The following ZNF705G variants were observed in gnomAD, a reference collection of about 807,000 sequenced individuals.
The protein encoded by ZNF705G is zinc finger protein 705G.
A neutral mutation model predicts 19.6 loss-of-function variants in ZNF705G; 23 were observed. That is an observed-to-expected ratio of 1.17 (90% confidence interval 0.84 to 1.66). The LOEUF is 1.66. ZNF705G is among the 40% of genes most tolerant of loss of function. ZNF705G has a pLI of 0.00. For synonymous variants in ZNF705G, 146 were observed against 117.7 expected (o/e 1.24, Z -1.56); for missense variants, 457 against 354.4 (o/e 1.29, Z -2.32).
chr8:7,363,207 C>T (rs1193306029), intron 2 of ZNF705G, among the ~76,000 whole-genome samples, 190 bp from the exon 3 acceptor site: 1 of 148,894 alleles, frequency 6.7e-6, no homozygotes, highest in Non-Finnish European at 1.5e-5. Context: ...ACTATGGTTG[C>T]TAATAAAGAA....
chr8:7,360,060 A>T (rs1045357961), intron 5 of ZNF705G, among the ~76,000 whole-genome samples, 177 bp downstream of exon 5: 1 of 149,514 alleles, frequency 6.7e-6, no homozygotes, highest in Non-Finnish European at 1.5e-5. Flanking sequence ...AGGACACAAG[A>T]GTAGCATCTG....
chr8:7,365,170 A>T lies in ZNF705G; in HGVS notation c.-71-2153T>A, dbSNP rs551142681. Among the ~76,000 whole-genome samples, 3 of 149,698 alleles carry T rather than the reference A, an allele frequency of 2.0e-5. No individual in the cohort carries two copies. The South Asian group carries it at 6.3e-4, about 31-fold the overall frequency. On this transcript the variant is annotated intron_variant, in intron 2 of 6. Transcript: ENST00000400156. ...AAAACTATTTCAAGATGTAGAGATT[A>T]AATATATTTAAAAACACATACATAC...
In ZNF705G at chr8:7,360,962, A is replaced by T. The variant is rs563301522; in HGVS notation, c.139+148T>A. On this transcript the variant is annotated intron_variant, in intron 4 of 6. Coordinates refer to ENST00000400156, the MANE Select transcript of ZNF705G (RefSeq NM_001164457.3). ...AAAGAAAGATATTTATTTCAGATAG[A>T]TTTAGAGAGTTCAAACCTTTTTCAG... The T allele has an allele frequency of 5.7e-5, 82 of 1,426,978 alleles. 1 individual carries two copies. In the East Asian group the frequency reaches 1.6e-3, roughly 28 times the overall value. The allele number at this position is 1,426,978 out of a possible 1,614,324, so 88.4% of individuals were successfully genotyped here. A position where few individuals can be genotyped will look rare whatever the true frequency, so the allele number is the denominator to read the frequency against.
At chr8:7,379,770 G>A (rs1165470494) in intron 2 of ZNF705G, among the ~76,000 whole-genome samples, 1 of 147,210 alleles carries the variant, frequency 6.8e-6, no homozygotes, top group African/African-American at 2.7e-5. Flanking sequence ...GCTATAGGGA[G>A]CTGCCTGGAG....
chr8:7,385,303 A>G (rs1369703732), intron 1 of ZNF705G, among the ~76,000 whole-genome samples, 195 bp downstream of exon 1: 1 of 148,866 alleles, frequency 6.7e-6, no homozygotes, highest in Non-Finnish European at 1.5e-5. Context: ...AGAGACACAA[A>G]CACTCATACC....
rs562912966 is a variant in ZNF705G, at chr8:7,368,228, C to T, written c.-71-5211G>A. Among the ~76,000 whole-genome samples, 52 of 149,724 alleles carry T rather than the reference C, an allele frequency of 3.5e-4. 5 individuals carry two copies. The highest frequency in any genetic ancestry group is 1.3e-3 in the African/African-American group (51 of 39,142). On this transcript the variant is annotated intron_variant, in intron 2 of 6. Coordinates refer to ENST00000400156, the MANE Select transcript of ZNF705G (RefSeq NM_001164457.3). ...CAATCTGATTGGATTTTTGAGACTA[C>T]TACTAAAAACCCTCACATAAAGTTG...
chr8:7,365,375 ATTTTTTTT>A (rs71253679), intron 2 of ZNF705G, among the ~76,000 whole-genome samples: 3 of 112,056 alleles, frequency 2.7e-5, no homozygotes, highest in Admixed American at 8.9e-5. Flanking sequence ...GTCTCTCTCT[ATTTTTTTT>A]TTTTTTTTTT....
intron 2 of ZNF705G, among the ~76,000 whole-genome samples, chr8:7,365,761 G>A (rs1280670045): frequency 1.3e-5 from 2 of 149,492 alleles, no homozygotes; most frequent in East Asian, 1.9e-4. Flanking sequence ...TTAAGAGGCC[G>A]ACTTGTGACT....
chr8:7,358,833 C>T (rs1806426499), intron 6 of ZNF705G, among the ~76,000 whole-genome samples: 1 of 149,400 alleles, frequency 6.7e-6, no homozygotes, highest in Non-Finnish European at 1.5e-5. Context: ...ACGCCTCCCC[C>T]ATATTTTGCC....
intron 3 of ZNF705G, 109 bp from the exon 4 acceptor site, chr8:7,361,345 T>C: frequency 1.9e-6 from 3 of 1,575,018 alleles, no homozygotes; most frequent in Non-Finnish European, 2.6e-6. Flanking sequence ...ATACTCAGTG[T>C]TTTGGGTTCC....
intron 2 of ZNF705G, among the ~76,000 whole-genome samples, chr8:7,364,462 A>C (rs1376898702): frequency 4.0e-5 from 6 of 149,704 alleles, no homozygotes; most frequent in Non-Finnish European, 8.8e-5. Flanking sequence ...TGCTGATTAC[A>C]GTTTATTTAC....
Position 7,358,026 on chromosome 8 carries a change from C to T in ZNF705G, c.853G>A (p.Ala285Thr), listed in dbSNP as rs752328375. Reference sequence around the variant, plus strand: ...AAGGCCTTCCCACATAGAAGACAAGCATGTGGTTTCTCTCCAGTGTGAATT... The same window carrying T: ...AAGGCCTTCCCACATAGAAGACAAGTATGTGGTTTCTCTCCAGTGTGAATT... ...KIIHTGEKPH[A>T]CLLCGKAFSL... The change falls in exon 7 of 7, where the codon GCT becomes ACT. Residue 285 changes from alanine to threonine, a missense_variant. By Grantham distance (58) the Ala-to-Thr change is moderately conservative. Transcript: ENST00000400156. The T allele has an allele frequency of 2.5e-6, 4 of 1,608,940 alleles. No homozygotes were observed. Among genetic ancestry groups the T allele is most frequent in the Non-Finnish European group, 3.4e-6 (4 of 1,179,788 alleles).
chr8:7,360,367 AC>A (rs1427402137), intron 4 of ZNF705G, 35 bp from the exon 5 acceptor site: 1 of 1,586,256 alleles, frequency 6.3e-7, no homozygotes, highest in Non-Finnish European at 8.5e-7. Context: ...TTTTGAGTTC[AC>A]TGTCAATAAA....
At chr8:7,360,837 A>T (rs1222750436) in intron 4 of ZNF705G, among the ~76,000 whole-genome samples, 1 of 149,528 alleles carries the variant, frequency 6.7e-6, no homozygotes, top group Non-Finnish European at 1.5e-5. Context: ...TTAAGTTCCC[A>T]GGTCTGTTAT....
chr8:7,358,425 A>G lies in ZNF705G; in HGVS notation c.454T>C (p.Ser152Pro), dbSNP rs1447325013. The stretch of plus-strand genomic sequence containing the variant: ...TCAGTGGACAAAAGATTACGAAGGG[A>G]TTTTCCACACTGTTTGCTGACATAG... ...KPYVSKQCGK[S>P]LRNLLSTEPH... The change falls in exon 7 of 7, where the codon TCC becomes CCC. Residue 152 changes from serine (S) to proline (P), a missense_variant. Coordinates refer to ENST00000400156, the MANE Select transcript of ZNF705G (RefSeq NM_001164457.3). The G allele has an allele frequency of 6.2e-7, 1 of 1,607,506 alleles. No individual in the cohort carries two copies. The highest frequency in any genetic ancestry group is 1.4e-5 in the African/African-American group (1 of 71,172).
rs139414282 is a variant in ZNF705G at position 7,356,361 on chromosome 8, C to T, written c.*1615G>A. ...TGGGGTGTTATGAGATGAACTGCTACTTCCAGTTAGAGAGGCTCCAGGGAC... is the reference window on the plus strand; with the variant it reads ...TGGGGTGTTATGAGATGAACTGCTATTTCCAGTTAGAGAGGCTCCAGGGAC... On this transcript the variant is annotated 3_prime_UTR_variant, in exon 7 of 7. Coordinates refer to ENST00000400156, the MANE Select transcript of ZNF705G (RefSeq NM_001164457.3). The T allele has an allele frequency of 0.018, 2,717 of 149,766 alleles. 361 individuals are homozygous for T. Among genetic ancestry groups the T allele is most frequent in the African/African-American group, 0.066 (2,579 of 38,894 alleles). 9.3% of individuals were successfully genotyped at this position (149,766 alleles called of 1,614,324 possible). A position where few individuals can be genotyped will look rare whatever the true frequency, so the allele number is the denominator to read the frequency against.
intron 2 of ZNF705G, among the ~76,000 whole-genome samples, chr8:7,369,851 G>A (rs1377135555): frequency 1.3e-5 from 2 of 149,056 alleles, no homozygotes; most frequent in Non-Finnish European, 2.9e-5. Context: ...ACACATGGAC[G>A]TAAAGATCAG....
rs1322084194 is a variant in ZNF705G, at chr8:7,359,560, C to T, written c.318+59G>A. On this transcript the variant is annotated intron_variant, in intron 6 of 6. Transcript: ENST00000400156. ...TCAGGTGATTGTGCTTCATTACTAA[C>T]TTAATCCATTAACATGTCTTTAACT... 67 of 1,598,882 alleles carry T rather than the reference C, an allele frequency of 4.2e-5. 1 individual carries two copies. Among genetic ancestry groups the T allele is most frequent in the Non-Finnish European group, 5.0e-5 (59 of 1,176,264 alleles).
chr8:7,368,686 G>C (rs1806967688), intron 2 of ZNF705G, among the ~76,000 whole-genome samples: 1 of 149,740 alleles, frequency 6.7e-6, no homozygotes, highest in Non-Finnish European at 1.5e-5. Context: ...ACCTTGGCTG[G>C]TGGCAGCCCC....
Sources: allele counts gnomAD v4.1 joint callset (sites outside exome capture counted in the v4.1 genomes callset), GRCh38; gene constraint gnomAD v4.1.1; transcripts MANE v1.5; gene names NCBI Gene and HGNC (gene_info 2026-07-23, HGNC 2026-07-21).